The following CAPRIN1 variants were observed in gnomAD, a reference collection of about 807,000 sequenced individuals.
CAPRIN1 encodes caprin-1.
A neutral mutation model predicts 100.9 loss-of-function variants in CAPRIN1; 29 were observed. That is an observed-to-expected ratio of 0.29 (90% CI 0.21 to 0.39). The LOEUF (loss-of-function observed/expected upper bound fraction) is 0.39, where lower values mean the gene tolerates loss of function less well. Among genes scored for constraint, CAPRIN1 ranks in the 10% least tolerant of loss-of-function variants. The pLI is 1.00. For missense variants in CAPRIN1, 795 were observed against 876.7 expected (o/e 0.91, Z 1.18); for synonymous variants, 338 against 307.5 (o/e 1.10, Z -1.04).
intron 6 of CAPRIN1, among the ~76,000 whole-genome samples, chr11:34,079,136 G>A (rs74554802): frequency 0.082 from 12,536 of 152,292 alleles, 527 homozygotes; most frequent in Non-Finnish European, 0.092. Context: ...GCCGGGCATG[G>A]TGGCTCATGC....
Position 34,076,246 on chromosome 11 carries a change from C to T in CAPRIN1, c.377C>T (p.Thr126Ile), listed in dbSNP as rs1850904590. Reference protein sequence around the residue: ...FMALSQDIQKTIKKTARREQL... With the variant: ...FMALSQDIQKIIKKTARREQL... ...TATATTGTTTTGCAGATTCAGAAAA[C>T]AATAAAGAAGACAGCACGTCGGGAG... Residue 126 changes from threonine to isoleucine, a missense_variant, in exon 5 of 19, where the codon ACA becomes ATA. Around this residue, in one of 3 missense-constraint regions of CAPRIN1, gnomAD observed 38 missense variants for 92.3 expected, o/e 0.41. Transcript: ENST00000341394. The T allele has an allele frequency of 6.2e-7, 1 of 1,612,222 alleles. No individual in the cohort carries two copies. Among genetic ancestry groups the T allele is most frequent in the South Asian group, 1.1e-5 (1 of 90,790 alleles).
intron 17 of CAPRIN1, 56 bp downstream of exon 17, chr11:34,097,352 C>T (rs1347441381): frequency 9.6e-6 from 13 of 1,347,390 alleles, no homozygotes; most frequent in Non-Finnish European, 1.1e-5. Context: ...ATGAAAGTGA[C>T]TTAGTGTTGT....
intron 2 of CAPRIN1, among the ~76,000 whole-genome samples, chr11:34,068,483 G>A (rs1040660274): frequency 1.3e-5 from 2 of 152,152 alleles, no homozygotes; most frequent in African/African-American, 2.4e-5. Flanking sequence ...TGTAATCTGC[G>A]ATAGCTCTCG....
chr11:34,052,321 C>T (rs1707123503), intron 1 of CAPRIN1, 100 bp from the exon 2 acceptor site: 1 of 1,013,094 alleles, frequency 9.9e-7, no homozygotes, highest in South Asian at 1.4e-5. Context: ...TAGGCTACCG[C>T]TCGCTGCGCG....
intron 6 of CAPRIN1, among the ~76,000 whole-genome samples, chr11:34,077,690 A>G (rs896581139): frequency 6.6e-6 from 1 of 152,218 alleles, no homozygotes; most frequent in Non-Finnish European, 1.5e-5. Flanking sequence ...TATTGGTTGA[A>G]AAGAAATCAG....
chr11:34,077,824 A>G (rs976797301), intron 6 of CAPRIN1, among the ~76,000 whole-genome samples: 5 of 152,028 alleles, frequency 3.3e-5, no homozygotes, highest in Admixed American at 6.6e-5. Flanking sequence ...TTAAGAAATA[A>G]TTTTCTTGGT....
At position 34,076,045 on chromosome 11, in the gene CAPRIN1, C is replaced by G. The variant is rs140017388; in HGVS notation, c.367-191C>G. Among the ~76,000 whole-genome samples the G allele has an allele frequency of 7.6e-4, 115 of 152,038 alleles. No homozygotes were observed. In the Middle Eastern group the frequency reaches 0.011, roughly 14 times the overall value. On this transcript the variant is annotated intron_variant, in intron 4 of 18. Transcript: ENST00000341394. ...AATACCTTCTAGGGAAAGAGCTGTTCTGAATTTTTAACAATTGCTTAAAAT... is the reference window on the plus strand; with the variant it reads ...AATACCTTCTAGGGAAAGAGCTGTTGTGAATTTTTAACAATTGCTTAAAAT...
rs1258859793 is a variant in CAPRIN1 at position 34,101,126 on chromosome 11, T to A, written c.*1759T>A. Reference sequence around the variant, plus strand: ...AAATGGGGGATCTTCAATGTTTATTTTAAAATAAAATAAAATAAGTTCTTG... The same window carrying A: ...AAATGGGGGATCTTCAATGTTTATTATAAAATAAAATAAAATAAGTTCTTG... On this transcript the variant is annotated 3_prime_UTR_variant, in exon 19 of 19. Transcript: ENST00000341394. 3 of 152,548 alleles carry A rather than the reference T, an allele frequency of 2.0e-5. No homozygotes were observed. Among genetic ancestry groups the A allele is most frequent in the East Asian group, 3.8e-4 (2 of 5,196 alleles). The allele number at this position is 152,548 out of a possible 1,614,324, so 9.4% of individuals were successfully genotyped here. A position where few individuals can be genotyped will look rare whatever the true frequency, so the allele number is the denominator to read the frequency against.
Position 34,071,931 on chromosome 11 carries a change from A to T in CAPRIN1, c.310A>T (p.Asn104Tyr), listed in dbSNP as rs747846856. 1 of 1,613,646 alleles carries T rather than the reference A, an allele frequency of 6.2e-7. No individual in the cohort carries two copies. Among genetic ancestry groups the T allele is most frequent in the East Asian group, 2.2e-5 (1 of 44,838 alleles). Residue 104 changes from asparagine (N) to tyrosine (Y), a missense_variant, in exon 4 of 19, where the codon AAT becomes TAT. Physicochemically the swap from Asn to Tyr is moderately radical, Grantham distance 143. Transcript: ENST00000341394. ...DAVSKYQEVTNNLEFAKELQR... is the reference protein window; with the variant it reads ...DAVSKYQEVTYNLEFAKELQR... ...CGTTTCTAAGTACCAGGAAGTCACA[A>T]ATAATTTGGAGTTTGCAAAAGAATT...
intron 14 of CAPRIN1, among the ~76,000 whole-genome samples, chr11:34,090,991 C>T (rs1401348471): frequency 6.6e-6 from 1 of 152,058 alleles, no homozygotes; most frequent in Admixed American, 6.6e-5. Context: ...ATAATCATTA[C>T]CTAGATTTAA....
chr11:34,089,764 T>G (rs1268613891), intron 12 of CAPRIN1, among the ~76,000 whole-genome samples: 1 of 152,166 alleles, frequency 6.6e-6, no homozygotes, highest in East Asian at 1.9e-4. Context: ...CCTTTATTTT[T>G]ATGTTTAGGT....
At chr11:34,085,580 GGTCACAAGGTCAGGA>G (rs1342008755) in intron 9 of CAPRIN1, among the ~76,000 whole-genome samples, 26 of 152,262 alleles carry the variant, frequency 1.7e-4, no homozygotes, top group Admixed American at 1.1e-3. Flanking sequence ...AAGGCGGGTG[GGTCACAAGGTCAGGA>G]GTTCAAGACC....
intron 7 of CAPRIN1, 139 bp downstream of exon 7, chr11:34,079,904 AGTTTTTTTTTTTTTTTTTT>A: frequency 6.0e-6 from 3 of 496,806 alleles, no homozygotes; most frequent in Non-Finnish European, 6.3e-6. Flanking sequence ...AGCATGACAA[AGTTTTTTTTTTTTTTTTTT>A]TTTTTTTTTT....
chr11:34,091,916 T>G lies in CAPRIN1; in HGVS notation c.1565T>G (p.Met522Arg), dbSNP rs757843049. 1 of 1,611,778 alleles carries G rather than the reference T, an allele frequency of 6.2e-7. No homozygotes were observed. Among genetic ancestry groups the G allele is most frequent in the Non-Finnish European group, 8.5e-7 (1 of 1,179,246 alleles). The change falls in exon 15 of 19, where the codon ATG (methionine) becomes AGG (arginine). Residue 522 changes from methionine to arginine, a missense_variant. Coordinates refer to ENST00000341394, the MANE Select transcript of CAPRIN1 (RefSeq NM_005898.5). ...TTTATTTACTAACAGGTGTTCAATATGAATGCCCCAGTTCCTCCTGTTAAT... is the reference window on the plus strand; with the variant it reads ...TTTATTTACTAACAGGTGTTCAATAGGAATGCCCCAGTTCCTCCTGTTAAT... ...PFQSMQTVFN[M>R]NAPVPPVNEP...
rs1850341270 is a variant in CAPRIN1, at chr11:34,052,443, G to T, written c.23G>T (p.Ser8Ile). 2.5e-6 allele frequency: 4 copies of T among 1,607,632 alleles called. No homozygotes were observed. The highest frequency in any genetic ancestry group is 3.4e-6 in the Non-Finnish European group (4 of 1,178,866). ...AAGATGCCCTCGGCCACCAGCCACA[G>T]CGGGAGCGGCAGCAAGTCGTCCGGA... MPSATSH[S>I]GSGSKSSGPP... Residue 8 changes from serine to isoleucine, a missense_variant, in exon 2 of 19, where the codon AGC becomes ATC. Ser to Ile is a moderately radical substitution (Grantham distance 142, BLOSUM62 -2). Coordinates refer to ENST00000341394, the MANE Select transcript of CAPRIN1 (RefSeq NM_005898.5).
chr11:34,083,965 A>T (rs1249420204), intron 9 of CAPRIN1, among the ~76,000 whole-genome samples: 1 of 152,156 alleles, frequency 6.6e-6, no homozygotes, highest in Non-Finnish European at 1.5e-5. Context: ...GCTACTTGGG[A>T]GGCTGAGGTA....
intron 2 of CAPRIN1, among the ~76,000 whole-genome samples, chr11:34,064,612 C>A (rs933134830): frequency 2.0e-5 from 3 of 152,056 alleles, no homozygotes; most frequent in African/African-American, 4.8e-5. Flanking sequence ...AAAATTAGAC[C>A]AATTGTCGTA....
chr11:34,054,067 A>C (rs1284750502), intron 2 of CAPRIN1, among the ~76,000 whole-genome samples: 3 of 150,740 alleles, frequency 2.0e-5, no homozygotes, highest in Non-Finnish European at 4.4e-5. Flanking sequence ...TGTGGGAAAT[A>C]AGTTGAAGAA....
rs1851467055 is a variant in CAPRIN1 at position 34,102,475 on chromosome 11, A to G, written c.*3108A>G. 6.6e-6 allele frequency among the ~76,000 whole-genome samples: 1 copy of G among 152,164 alleles called. No homozygotes were observed. The highest frequency in any genetic ancestry group is 2.4e-5 in the African/African-American group (1 of 41,402). On this transcript the variant is annotated 3_prime_UTR_variant, in exon 19 of 19. Coordinates refer to ENST00000341394, the MANE Select transcript of CAPRIN1 (RefSeq NM_005898.5). ...TGTCCTTTTTATGGAGTTAACGGGG[A>G]GGAAGACCCCTCAGGAAAACGAAAG...
Sources: allele counts gnomAD v4.1 joint callset (sites outside exome capture counted in the v4.1 genomes callset), GRCh38; gene constraint gnomAD v4.1.1; regional missense constraint gnomAD v4.1.1; transcripts MANE v1.5; gene names NCBI Gene and HGNC (gene_info 2026-07-23, HGNC 2026-07-21).